CALCR: variants seen among roughly 807,000 people sequenced by gnomAD.
CALCR encodes calcitonin receptor.
A neutral mutation model predicts 59.5 loss-of-function variants in CALCR; 47 were observed. The ratio of observed to expected loss-of-function variants is 0.79; its 90% CI spans 0.63 to 1.01. CALCR has a LOEUF of 1.01. Among genes scored for constraint, CALCR ranks in the 50% least tolerant of loss-of-function variants. The pLI, the probability that CALCR is intolerant of heterozygous loss-of-function variation, is 0.00. For missense variants in CALCR, 566 were observed against 597.1 expected, an observed-to-expected ratio of 0.95 and a Z score of 0.54; for synonymous variants, 213 against 211.3, an observed-to-expected ratio of 1.01 and a Z score of -0.07.
chr7:93,570,476 A>G (rs1318394085), intron 2 of CALCR, among the ~76,000 whole-genome samples: 2 of 152,222 alleles, frequency 1.3e-5, no homozygotes, highest in Admixed American at 6.5e-5. Context: ...TTACTGAAAT[A>G]GTTAAACATA....
chr7:93,436,190 T>C lies in CALCR; in HGVS notation c.931-20A>G, dbSNP rs201517548. On this transcript the variant is annotated intron_variant, in intron 11 of 13. Coordinates refer to ENST00000426151, the MANE Select transcript of CALCR (RefSeq NM_001742.4). ...ATTGACCTGCAAATATACGGTGTTA[T>C]GAGCAAATCATACAGAAAAGTATCA... 5.0e-6 allele frequency: 8 copies of C among 1,590,212 alleles called. No individual in the cohort carries two copies. The African/African-American group carries it at 5.4e-5, about 11-fold the overall frequency.
At chr7:93,561,847 G>A in intron 2 of CALCR, among the ~76,000 whole-genome samples, 1 of 152,078 alleles carries the variant, frequency 6.6e-6, no homozygotes, top group East Asian at 1.9e-4. Context: ...AACAGGCCCT[G>A]GGTAAAAATG....
intron 2 of CALCR, among the ~76,000 whole-genome samples, chr7:93,529,475 A>G (rs1053678107): frequency 2.0e-5 from 3 of 152,230 alleles, no homozygotes; most frequent in African/African-American, 7.2e-5. Flanking sequence ...ATTTCTTTAC[A>G]GCAATGTAAG....
At chr7:93,508,339 A>G (rs1397428868) in intron 2 of CALCR, among the ~76,000 whole-genome samples, 7 of 152,226 alleles carry the variant, frequency 4.6e-5, no homozygotes, top group Non-Finnish European at 1.0e-4. Context: ...TGGGCATACT[A>G]CACTCTCAAA....
chr7:93,559,302 C>T (rs1246243085), intron 2 of CALCR, among the ~76,000 whole-genome samples: 4 of 151,960 alleles, frequency 2.6e-5, no homozygotes, highest in African/African-American at 7.2e-5. Context: ...AAAACTTTTC[C>T]ACCCCCTCCC....
At chr7:93,499,338 G>A (rs988311181) in intron 2 of CALCR, among the ~76,000 whole-genome samples, 3 of 151,718 alleles carry the variant, frequency 2.0e-5, no homozygotes, top group Non-Finnish European at 4.4e-5. Context: ...GAAATACCAC[G>A]TGCTCTTCTC....
rs2074122 is a variant in CALCR at position 93,443,359 on chromosome 7, G to T, written c.802+245C>A. Among the ~76,000 whole-genome samples the T allele has an allele frequency of 0.11, 17,112 of 152,112 alleles. 1,441 individuals carry two copies. Among genetic ancestry groups the T allele is most frequent in the East Asian group, 0.46 (2,379 of 5,142 alleles). On this transcript the variant is annotated intron_variant, in intron 9 of 13. Transcript: ENST00000426151. ...TCATTAGCTAGGTTTGTTTCCTGAA[G>T]TTACCCTTTGGAAGTCACCCTTATC...
chr7:93,524,744 G>T (rs1202192565), intron 2 of CALCR, among the ~76,000 whole-genome samples: 2 of 152,018 alleles, frequency 1.3e-5, no homozygotes, highest in Non-Finnish European at 2.9e-5. Context: ...ATAAATATCT[G>T]TATCTATAAT....
chr7:93,525,817 TTTG>T (rs1172709913), intron 2 of CALCR, among the ~76,000 whole-genome samples: 1 of 152,138 alleles, frequency 6.6e-6, no homozygotes, highest in Admixed American at 6.5e-5. Flanking sequence ...AGTTTAGAGA[TTTG>T]TTTTGTATTA....
intron 2 of CALCR, among the ~76,000 whole-genome samples, chr7:93,560,687 A>G (rs1273954582): frequency 6.6e-6 from 1 of 152,188 alleles, no homozygotes; most frequent in African/African-American, 2.4e-5. Context: ...ACACATATCT[A>G]CAGAATGGTG....
intron 2 of CALCR, among the ~76,000 whole-genome samples, chr7:93,517,314 T>TTTCTTTTTTTTTTTTTATTATACTC (rs1206907976): frequency 2.0e-5 from 3 of 151,582 alleles, no homozygotes; most frequent in East Asian, 1.9e-4. Flanking sequence ...CTTTTTTTTT[T>TTTCTTTTTTTTTTTTTATTATACTC]TAATTTGCTA....
chr7:93,541,906 C>A (rs1473112), intron 2 of CALCR, among the ~76,000 whole-genome samples: 151,843 of 152,330 alleles, frequency 1, 75,681 homozygotes, highest in Middle Eastern at 1. Flanking sequence ...AAACTAATTG[C>A]TAAGCATTAT....
At chr7:93,438,168 T>C in intron 10 of CALCR, 42 bp from the exon 11 acceptor site, 1 of 1,612,294 alleles carries the variant, frequency 6.2e-7, no homozygotes, top group African/African-American at 1.3e-5. Flanking sequence ...AAATACATTT[T>C]GTTTATGAAT....
chr7:93,485,064 T>C (rs1351603285), intron 3 of CALCR, among the ~76,000 whole-genome samples: 2 of 151,736 alleles, frequency 1.3e-5, no homozygotes, highest in Admixed American at 1.3e-4. Context: ...AGGAACATTG[T>C]CATTAAAATT....
chr7:93,572,776 T>C (rs1285762383), intron 2 of CALCR, among the ~76,000 whole-genome samples: 1 of 152,212 alleles, frequency 6.6e-6, no homozygotes, highest in African/African-American at 2.4e-5. Context: ...CTATTTCTTT[T>C]TAACTTTGAG....
rs143871345 is a variant in CALCR, at chr7:93,497,215, G to A, written c.-26-10208C>T. Among the ~76,000 whole-genome samples the A allele has an allele frequency of 4.6e-3, 695 of 151,568 alleles. 6 individuals carry two copies. Among genetic ancestry groups the A allele is most frequent in the African/African-American group, 0.016 (666 of 41,434 alleles). On this transcript the variant is annotated intron_variant, in intron 2 of 13. Transcript: ENST00000426151. ...GAATAAAAATGATGTCATATTGAAA[G>A]AAATAAGACTTTTTCTTTTACTCAT...
intron 2 of CALCR, among the ~76,000 whole-genome samples, chr7:93,533,092 T>C (rs1366320318): frequency 6.6e-6 from 1 of 151,946 alleles, no homozygotes; most frequent in Non-Finnish European, 1.5e-5. Flanking sequence ...ATGAAATTGG[T>C]AATCTAAATT....
intron 3 of CALCR, among the ~76,000 whole-genome samples, chr7:93,484,801 TG>T (rs1428906591): frequency 6.6e-6 from 1 of 151,774 alleles, no homozygotes; most frequent in Non-Finnish European, 1.5e-5. Context: ...TTGGCTTTGT[TG>T]TCATCAGCAT....
rs757379698 is a variant in CALCR at position 93,560,209 on chromosome 7, A to G, written c.-27+14080T>C. ...CTCTTTAAAAAGACAGAAACTCTTTATTCTTTAGAATTATGATGAAAATAA... is the reference window on the plus strand; with the variant it reads ...CTCTTTAAAAAGACAGAAACTCTTTGTTCTTTAGAATTATGATGAAAATAA... On this transcript the variant is annotated intron_variant, in intron 2 of 13. Transcript: ENST00000426151. Among the ~76,000 whole-genome samples the G allele has an allele frequency of 1.1e-3, 174 of 152,240 alleles. 1 individual carries two copies. In the Middle Eastern group the frequency reaches 0.017, roughly 15 times the overall value.
Sources: gnomAD v4.1 joint callset for allele counts (sites outside exome capture counted in the v4.1 genomes callset) on GRCh38, gnomAD v4.1.1 for gene constraint, MANE v1.5 for transcripts, NCBI Gene and HGNC (gene_info 2026-07-23, HGNC 2026-07-21) for gene names.